NEDD9: variants seen among roughly 807,000 people sequenced by gnomAD.
NEDD9 encodes neural precursor cell expressed, developmentally down-regulated 9, also known as enhancer of filamentation 1.
A neutral mutation model predicts 76.6 loss-of-function variants in NEDD9; 26 were observed. That is an observed-to-expected ratio of 0.34 (90% CI 0.25 to 0.47). The LOEUF (loss-of-function observed/expected upper bound fraction) is 0.47. Among genes scored for constraint, NEDD9 ranks in the 20% least tolerant of loss-of-function variants. NEDD9 has a pLI of 1.00. For missense variants in NEDD9, 937 were observed against 1,058.5 expected (o/e 0.89, Z 1.59); for synonymous variants, 392 against 414.2 (o/e 0.95, Z 0.65).
chr6:11,285,099 C>T (rs1400504927), intron 3 of NEDD9, among the ~76,000 whole-genome samples: 3 of 152,124 alleles, frequency 2.0e-5, no homozygotes, highest in African/African-American at 2.4e-5. Flanking sequence ...ACTTAACATT[C>T]GTGACTTTAG....
chr6:11,365,826 A>C (rs770902048), intron 1 of NEDD9, among the ~76,000 whole-genome samples: 1 of 151,874 alleles, frequency 6.6e-6, no homozygotes, highest in Non-Finnish European at 1.5e-5. Context: ...CCCTGTCTCT[A>C]CTAAAAATAC....
At chr6:11,367,402 T>G (rs964723355) in intron 1 of NEDD9, among the ~76,000 whole-genome samples, 7 of 152,252 alleles carry the variant, frequency 4.6e-5, no homozygotes, top group Non-Finnish European at 7.3e-5. Flanking sequence ...GCCGAGCTTT[T>G]GAAAAACACA....
At chr6:11,237,661 C>T (rs1228114360), upstream of NEDD9, among the ~76,000 whole-genome samples, 1 of 152,150 alleles carries the variant, frequency 6.6e-6, no homozygotes, top group Admixed American at 6.5e-5. This position sits in a 1 kb window ranked among gnomAD's most constrained non-coding sequence, Gnocchi z 4.9. Context: ...CATCCCTATT[C>T]ATGTAGGGAT....
At chr6:11,297,828 T>C (rs1314565920) in intron 3 of NEDD9, among the ~76,000 whole-genome samples, 1 of 152,178 alleles carries the variant, frequency 6.6e-6, no homozygotes, top group Non-Finnish European at 1.5e-5. Context: ...TAATAACTTG[T>C]TCAAGGCCCT....
At chr6:11,249,008 C>T (rs999878475) in intron 3 of NEDD9, 3 of 416,804 alleles carry the variant, frequency 7.2e-6, no homozygotes, top group African/African-American at 4.0e-5. Context: ...ATTCATATGC[C>T]AGTGACTCAC....
chr6:11,232,855 G>A (rs1164793375), upstream of NEDD9, among the ~76,000 whole-genome samples: 5 of 152,148 alleles, frequency 3.3e-5, no homozygotes, highest in Non-Finnish European at 7.4e-5. Context: ...ACAGAAAGTG[G>A]GGAACCGTCC....
chr6:11,193,333 A>C (rs1297279438), intron 3 of NEDD9, among the ~76,000 whole-genome samples: 1 of 150,870 alleles, frequency 6.6e-6, no homozygotes, highest in Non-Finnish European at 1.5e-5. Flanking sequence ...AAGAAAAAAG[A>C]AAAATCTACT....
chr6:11,232,132 C>G (rs1354507949), intron 1 of NEDD9, among the ~76,000 whole-genome samples: 1 of 152,142 alleles, frequency 6.6e-6, no homozygotes, highest in Non-Finnish European at 1.5e-5. Flanking sequence ...TACAGTTCCC[C>G]AGGGCAGTGG....
chr6:11,339,068 G>A (rs1316973050), intron 1 of NEDD9, among the ~76,000 whole-genome samples: 1 of 151,680 alleles, frequency 6.6e-6, no homozygotes, highest in Non-Finnish European at 1.5e-5. Context: ...TAAGTCTCCT[G>A]TTTATCTTTA....
intron 3 of NEDD9, among the ~76,000 whole-genome samples, chr6:11,249,374 G>A (rs1759870000): frequency 6.6e-6 from 1 of 152,186 alleles, no homozygotes; most frequent in Non-Finnish European, 1.5e-5. Context: ...AGAGACCCAG[G>A]TTTCTCCTCT....
At chr6:11,345,117 C>G (rs1223405192) in intron 1 of NEDD9, among the ~76,000 whole-genome samples, 1 of 151,892 alleles carries the variant, frequency 6.6e-6, no homozygotes, top group African/African-American at 2.4e-5. Flanking sequence ...CGGGGTGAGG[C>G]AGGATGAGAA....
At chr6:11,367,523 G>C (rs915611073) in intron 1 of NEDD9, among the ~76,000 whole-genome samples, 2 of 152,116 alleles carry the variant, frequency 1.3e-5, no homozygotes, top group Non-Finnish European at 2.9e-5. Context: ...TAGTCTAGAG[G>C]ACCAACTGCA....
intron 3 of NEDD9, among the ~76,000 whole-genome samples, chr6:11,276,672 T>C (rs1760423301): frequency 6.6e-6 from 1 of 152,158 alleles, no homozygotes; most frequent in Non-Finnish European, 1.5e-5. Flanking sequence ...CCTGGTTCCC[T>C]GATTCTGATG....
At chr6:11,208,450 T>C (rs1758674852) in intron 2 of NEDD9, among the ~76,000 whole-genome samples, 1 of 152,128 alleles carries the variant, frequency 6.6e-6, no homozygotes, top group Non-Finnish European at 1.5e-5. Flanking sequence ...AGCTGAACCA[T>C]GGGATTCGAG....
rs1759927007 is a variant in NEDD9, at chr6:11,252,178, G to GGGCT, written c.13-38455_13-38452dup. Among the ~76,000 whole-genome samples the GGGCT allele has an allele frequency of 6.6e-6, 1 of 152,028 alleles. No individual in the cohort carries two copies. The highest frequency in any genetic ancestry group is 2.4e-5 in the African/African-American group (1 of 41,372). ...AGATCTTCATTTCATGTCTGTCCTGGGGCTCTTAGCTATGCCAGCAGAGCC... is the reference window on the plus strand; with the variant it reads ...AGATCTTCATTTCATGTCTGTCCTGGGGCTGGCTCTTAGCTATGCCAGCAGAGCC... On this transcript the variant is annotated intron_variant, in intron 3 of 3. Coordinates refer to the NEDD9 transcript ENST00000397378. The surrounding 1 kb of genome is among the most constrained non-coding windows in gnomAD (Gnocchi z 4.3).
chr6:11,307,552 GC>G (rs1761225623), intron 2 of NEDD9, among the ~76,000 whole-genome samples: 2 of 151,956 alleles, frequency 1.3e-5, no homozygotes, highest in African/African-American at 2.4e-5. Context: ...CATTTTAACT[GC>G]CCAAGGTGTC....
chr6:11,347,854 C>T (rs1762392807), intron 1 of NEDD9, among the ~76,000 whole-genome samples: 1 of 152,216 alleles, frequency 6.6e-6, no homozygotes, highest in African/African-American at 2.4e-5. Flanking sequence ...TGGGCAAAAG[C>T]TGGAAGCATT....
chr6:11,275,102 G>T (rs1254744841), intron 3 of NEDD9, among the ~76,000 whole-genome samples: 1 of 152,194 alleles, frequency 6.6e-6, no homozygotes, highest in Non-Finnish European at 1.5e-5. Flanking sequence ...TGACAACATG[G>T]GTGAACCTGG....
At chr6:11,230,834 T>C (rs1191585948) in intron 1 of NEDD9, among the ~76,000 whole-genome samples, 1 of 152,232 alleles carries the variant, frequency 6.6e-6, no homozygotes, top group Non-Finnish European at 1.5e-5. Flanking sequence ...AGTCACTTTA[T>C]CAGTTGCCTT....
Sources: gnomAD v4.1 joint callset for allele counts (sites outside exome capture counted in the v4.1 genomes callset) on GRCh38, gnomAD v4.1.1 for gene constraint, Gnocchi (gnomAD v3.1) non-coding constraint, MANE v1.5 for transcripts, NCBI Gene and HGNC (gene_info 2026-07-23, HGNC 2026-07-21) for gene names.